Variants in LASP1 observed in about 807,000 individuals in gnomAD.
The protein encoded by LASP1 is LIM and SH3 domain protein 1.
A neutral mutation model predicts 38.6 loss-of-function variants in LASP1; 10 were observed. The observed-to-expected ratio is 0.26, with a 90% CI of 0.16 to 0.44. The LOEUF is 0.44. LASP1 is among the 20% of genes least tolerant of loss of function. LASP1 has a pLI of 1.00. For missense variants in LASP1, 243 were observed against 375.7 expected (o/e 0.65, Z 2.92); for synonymous variants, 132 against 140.8 (o/e 0.94, Z 0.44).
Position 38,898,476 on chromosome 17 carries a change from C to T in LASP1, c.314C>T (p.Pro105Leu). 1 of 1,551,638 alleles carries T rather than the reference C, an allele frequency of 6.4e-7. No individual in the cohort carries two copies. Reference sequence around the variant, plus strand: ...GGTTTCAGCGTAGTGGCAGACACGCCCGAGCTCCAGAGAATCAAGAAGACC... The same window carrying T: ...GGTTTCAGCGTAGTGGCAGACACGCTCGAGCTCCAGAGAATCAAGAAGACC... ...GKGFSVVADT[P>L]ELQRIKKTQD... is the part of the protein sequence containing the mutation. The change falls in exon 4 of 7, where the codon CCC becomes CTC. Residue 105 changes from proline (P) to leucine (L), a missense_variant. Around this residue, in one of 4 missense-constraint regions of LASP1, gnomAD observed 33 missense variants for 39.8 expected, o/e 0.83. Coordinates refer to ENST00000318008, the MANE Select transcript of LASP1 (RefSeq NM_006148.4).
chr17:38,887,080 G>A (rs1914160870), intron 2 of LASP1, among the ~76,000 whole-genome samples: 1 of 152,156 alleles, frequency 6.6e-6, no homozygotes, highest in South Asian at 2.1e-4. Flanking sequence ...AAACCCCAGG[G>A]TTTTGCAGAC....
chr17:38,878,197 G>A lies in LASP1; in HGVS notation c.164+17G>A, dbSNP rs1253919505. 1.6e-5 allele frequency: 25 copies of A among 1,590,510 alleles called. No homozygotes were observed. Among genetic ancestry groups the A allele is most frequent in the Non-Finnish European group, 1.9e-5 (22 of 1,159,606 alleles). On this transcript the variant is annotated intron_variant, in intron 2 of 6. Transcript: ENST00000318008. ...CTGCAACGCGTGAGTCCTGTTCTGG[G>A]CAGGGGGCTGGGTGGGCACCTTGGC...
intron 4 of LASP1, among the ~76,000 whole-genome samples, chr17:38,909,987 A>T (rs1328578667): frequency 2.0e-5 from 3 of 152,154 alleles, no homozygotes. Context: ...ACTTCAAGCA[A>T]TCTGCCAACC....
At chr17:38,892,681 C>T (rs571875104) in intron 3 of LASP1, among the ~76,000 whole-genome samples, 133 of 152,326 alleles carry the variant, frequency 8.7e-4, no homozygotes, top group African/African-American at 3.0e-3. Context: ...ACCCTATCCC[C>T]GAGGGGTGGG....
chr17:38,908,775 A>G (rs1914843355), intron 4 of LASP1, among the ~76,000 whole-genome samples: 1 of 152,244 alleles, frequency 6.6e-6, no homozygotes, highest in African/African-American at 2.4e-5. Context: ...AGCCAGCAGG[A>G]GCAGCAACCA....
Position 38,918,814 on chromosome 17 carries a change from A to T in LASP1, c.*36A>T. ...CCCCCATCTGTCTTCAGCACATTCC[A>T]CGGCATCGCATCCGTCCTGGGCGTG... On this transcript the variant is annotated 3_prime_UTR_variant, in exon 7 of 7. Transcript: ENST00000318008. This position sits in a 1 kb window ranked among gnomAD's most constrained non-coding sequence, Gnocchi z 4.4. 6.2e-7 allele frequency: 1 copy of T among 1,607,318 alleles called. No individual in the cohort carries two copies. Among genetic ancestry groups the T allele is most frequent in the Non-Finnish European group, 8.5e-7 (1 of 1,176,634 alleles).
At chr17:38,886,122 C>T (rs1228172133) in intron 2 of LASP1, among the ~76,000 whole-genome samples, 2 of 151,468 alleles carry the variant, frequency 1.3e-5, no homozygotes, top group East Asian at 1.9e-4. Context: ...CTCGCTCTCT[C>T]ACTCTCACTC....
intron 4 of LASP1, among the ~76,000 whole-genome samples, chr17:38,905,450 G>C (rs1567702569): frequency 2.0e-5 from 3 of 148,096 alleles, no homozygotes; most frequent in Non-Finnish European, 4.4e-5. Context: ...GAGAATCACT[G>C]AACCTGGGAG....
intron 2 of LASP1, 147 bp from the exon 3 acceptor site, chr17:38,890,272 TG>T: frequency 1.5e-6 from 1 of 652,928 alleles, no homozygotes; most frequent in South Asian, 1.8e-5. Flanking sequence ...TCGGCCTTGG[TG>T]GTGGACACTG....
intron 3 of LASP1, among the ~76,000 whole-genome samples, chr17:38,891,008 C>T (rs1914303048): frequency 6.6e-6 from 1 of 152,158 alleles, no homozygotes; most frequent in Admixed American, 6.5e-5. Flanking sequence ...GCTTGACTTT[C>T]CAGAACACTG....
chr17:38,907,280 G>A (rs182246673), intron 4 of LASP1, among the ~76,000 whole-genome samples: 1 of 152,244 alleles, frequency 6.6e-6, no homozygotes, highest in Non-Finnish European at 1.5e-5. Context: ...TGAGTTGCAT[G>A]CCTGGTGTCC....
intron 2 of LASP1, among the ~76,000 whole-genome samples, chr17:38,879,088 G>A (rs991421316): frequency 6.6e-6 from 1 of 151,850 alleles, no homozygotes; most frequent in Non-Finnish European, 1.5e-5. Context: ...CTCCACCTGC[G>A]AGGTGGAGGC....
At chr17:38,916,780 G>C (rs561731375) in intron 6 of LASP1, 1 of 152,000 alleles carries the variant, frequency 6.6e-6, no homozygotes, top group East Asian at 1.9e-4. Context: ...AGAATTGCTT[G>C]AACCTGGGAG....
Position 38,921,086 on chromosome 17 carries a change from A to G in LASP1, c.*2308A>G, listed in dbSNP as rs1484305938. The stretch of plus-strand genomic sequence containing the variant: ...GCCGTTTTCTTACACACCCCCAGAG[A>G]GAGGAGGGACTGTCACACTGGTGCT... On this transcript the variant is annotated 3_prime_UTR_variant, in exon 7 of 7. Transcript: ENST00000318008. 1 of 229,954 alleles carries G rather than the reference A, an allele frequency of 4.3e-6. No homozygotes were observed. Among genetic ancestry groups the G allele is most frequent in the Non-Finnish European group, 8.6e-6 (1 of 116,110 alleles). The allele number at this position is 229,954 out of a possible 1,614,324, so 14.2% of individuals were successfully genotyped here.
chr17:38,873,389 G>A (rs1913665410), intron 1 of LASP1, among the ~76,000 whole-genome samples: 2 of 152,290 alleles, frequency 1.3e-5, no homozygotes, highest in South Asian at 2.1e-4. Flanking sequence ...CACAAAGTAG[G>A]TGTATTCGCT....
chr17:38,878,228 C>T lies in LASP1; in HGVS notation c.164+48C>T, dbSNP rs73985034. On this transcript the variant is annotated intron_variant, in intron 2 of 6. Transcript: ENST00000318008. ...GGCTGGGTGGGCACCTTGGCTCCCT[C>T]CCCGAGTGAGTTCTTCCTTTCCTTC... 4,142 of 1,271,146 alleles carry T rather than the reference C, an allele frequency of 3.3e-3. 91 individuals carry two copies. The African/African-American group carries it at 0.054, about 17-fold the overall frequency. The allele number at this position is 1,271,146 out of a possible 1,614,324, so 78.7% of individuals were successfully genotyped here. A position where few individuals can be genotyped will look rare whatever the true frequency, so the allele number is the denominator to read the frequency against.
intron 2 of LASP1, among the ~76,000 whole-genome samples, chr17:38,888,912 G>T (rs1914221340): frequency 6.6e-6 from 1 of 152,156 alleles, no homozygotes; most frequent in South Asian, 2.1e-4. Context: ...CTGGAAATTG[G>T]CGGCTAAGTT....
chr17:38,893,924 CT>C (rs1429259755), intron 3 of LASP1, among the ~76,000 whole-genome samples: 1 of 152,262 alleles, frequency 6.6e-6, no homozygotes, highest in Non-Finnish European at 1.5e-5. Flanking sequence ...CTCCATGCCC[CT>C]TCTGGGCCTG....
chr17:38,899,747 C>CT (rs34397105), intron 4 of LASP1, among the ~76,000 whole-genome samples: 65,744 of 136,168 alleles, frequency 0.48, 16,472 homozygotes, highest in Middle Eastern at 0.6. Context: ...GCGTTCAGAT[C>CT]TTTTTTTTTT....
Sources: allele counts gnomAD v4.1 joint callset (sites outside exome capture counted in the v4.1 genomes callset), GRCh38; gene constraint gnomAD v4.1.1; regional missense constraint gnomAD v4.1.1; non-coding constraint Gnocchi (gnomAD v3.1); transcripts MANE v1.5; gene names NCBI Gene and HGNC (gene_info 2026-07-23, HGNC 2026-07-21).